The following DYNLL1 variants were observed in gnomAD, a reference collection of about 807,000 sequenced individuals.
The protein encoded by DYNLL1 is dynein light chain LC8-type 1.
DYNLL1 carries 3 observed loss-of-function variants against 10.1 expected under a neutral mutation model. The observed-to-expected ratio is 0.30, with a 90% CI of 0.14 to 0.77. The LOEUF is 0.77. DYNLL1 is among the 30% of genes least tolerant of loss of function. The pLI is 0.66. For synonymous variants in DYNLL1, 46 were observed against 41.2 expected, an observed-to-expected ratio of 1.12 and a Z score of -0.45; for missense variants, 47 against 111.7, an observed-to-expected ratio of 0.42 and a Z score of 2.61.
At chr12:120,488,609 A>C (rs1166866000) in intron 1 of DYNLL1, 2 of 152,214 alleles carry the variant, frequency 1.3e-5, no homozygotes, top group Non-Finnish European at 2.9e-5. Flanking sequence ...GGTGCTCAAC[A>C]AATGTCTGCT....
At position 120,498,056 on chromosome 12, in the gene DYNLL1, TC is replaced by T; in HGVS notation, c.133-16del. The T allele has an allele frequency of 1.2e-6, 2 of 1,612,246 alleles. No individual in the cohort carries two copies. The highest frequency in any genetic ancestry group is 1.7e-6 in the Non-Finnish European group (2 of 1,179,032). ...CTGGTAATTAAAATCCTAGTTCTTT[TC>T]TTTTGTCTTTTCCAGGAATTTGACA... On this transcript the variant is annotated splice_polypyrimidine_tract_variant and intron_variant, in intron 2 of 2. Transcript: ENST00000242577.
intron 2 of DYNLL1, 91 bp from the exon 3 acceptor site, chr12:120,497,982 C>T (rs1868512801): frequency 2.3e-6 from 3 of 1,325,010 alleles, no homozygotes; most frequent in Non-Finnish European, 3.1e-6. Flanking sequence ...GACGTTCCTC[C>T]TTTCTGCCCC....
intron 1 of DYNLL1, among the ~76,000 whole-genome samples, chr12:120,482,682 G>GA (rs1203104814): frequency 1.8e-3 from 272 of 147,630 alleles, no homozygotes; most frequent in African/African-American, 6.1e-3. Flanking sequence ...AAACAATTCT[G>GA]AAAAAAAAAA....
chr12:120,489,929 G>A (rs1432564484), intron 1 of DYNLL1, among the ~76,000 whole-genome samples: 2 of 152,154 alleles, frequency 1.3e-5, no homozygotes, highest in Non-Finnish European at 2.9e-5. Context: ...TTGTATTTTA[G>A]TAGAGACGGG....
intron 1 of DYNLL1, among the ~76,000 whole-genome samples, chr12:120,486,500 G>A (rs1040625571): frequency 2.0e-5 from 3 of 151,986 alleles, no homozygotes; most frequent in African/African-American, 4.8e-5. Context: ...TCAGGGTCTC[G>A]CTCTGTTGCC....
chr12:120,474,092 T>C (rs1878705201), intron 1 of DYNLL1, among the ~76,000 whole-genome samples: 1 of 151,566 alleles, frequency 6.6e-6, no homozygotes, highest in Non-Finnish European at 1.5e-5. Context: ...GAGAAGGAGC[T>C]GAGGCACCAC....
At chr12:120,481,433 A>T (rs559046363) in intron 1 of DYNLL1, among the ~76,000 whole-genome samples, 1 of 152,282 alleles carries the variant, frequency 6.6e-6, no homozygotes, top group South Asian at 2.1e-4. Flanking sequence ...GGCCTACTAC[A>T]AATTCAGAGG....
Position 120,496,198 on chromosome 12 carries a change from G to T in DYNLL1, c.-25G>T, listed in dbSNP as rs1381714320. 9 of 658,732 alleles carry T rather than the reference G, an allele frequency of 1.4e-5. No individual in the cohort carries two copies. The highest frequency in any genetic ancestry group is 2.1e-5 in the Non-Finnish European group (8 of 387,484). The allele number at this position is 658,732 out of a possible 1,614,324, so 40.8% of individuals were successfully genotyped here. On this transcript the variant is annotated 5_prime_UTR_variant, in exon 1 of 3. Transcript: ENST00000242577. ...CTCCCCCAGGAGACCGTTGCAGTCG[G>T]CCAGCCCCCTTCTCCACGGTGAGAA... is the stretch of plus-strand genomic sequence containing the variant.
intron 1 of DYNLL1, among the ~76,000 whole-genome samples, chr12:120,470,875 T>A (rs1878633126): frequency 6.6e-6 from 1 of 151,736 alleles, no homozygotes; most frequent in Non-Finnish European, 1.5e-5. Context: ...GGAAACCCCG[T>A]TTCTACTAAA....
At chr12:120,474,204 G>T (rs536587503) in intron 1 of DYNLL1, among the ~76,000 whole-genome samples, 2 of 151,736 alleles carry the variant, frequency 1.3e-5, no homozygotes, top group East Asian at 1.9e-4. Context: ...GGAGGCTGAG[G>T]GGGGAGAATC....
intron 1 of DYNLL1, among the ~76,000 whole-genome samples, chr12:120,482,397 G>A (rs142529552): frequency 0.028 from 4,188 of 151,206 alleles, 140 homozygotes; most frequent in East Asian, 0.12. Context: ...ATCTCGGCTC[G>A]CTGCAAGCTC....
intron 1 of DYNLL1, among the ~76,000 whole-genome samples, chr12:120,481,749 T>C (rs1440766709): frequency 6.6e-6 from 1 of 152,202 alleles, no homozygotes; most frequent in Non-Finnish European, 1.5e-5. Context: ...CCCTGGAGGT[T>C]GGGGGAAGGA....
At chr12:120,480,323 A>C (rs73223295) in intron 1 of DYNLL1, among the ~76,000 whole-genome samples, 4,819 of 152,294 alleles carry the variant, frequency 0.032, 119 homozygotes, top group Non-Finnish European at 0.048. Flanking sequence ...GGATATGAAA[A>C]GATCTCCAAG....
chr12:120,480,792 C>T (rs1274772609), intron 1 of DYNLL1, among the ~76,000 whole-genome samples: 4 of 149,696 alleles, frequency 2.7e-5, no homozygotes, highest in South Asian at 2.1e-4. Context: ...GACGGAGTCT[C>T]GCTCTGTTGC....
At chr12:120,471,965 C>T (rs1427954215) in intron 1 of DYNLL1, among the ~76,000 whole-genome samples, 1 of 152,078 alleles carries the variant, frequency 6.6e-6, no homozygotes, top group Admixed American at 6.6e-5. Context: ...TAATAAATTA[C>T]ATGTGTATAT....
At chr12:120,482,984 C>T (rs1056784211) in intron 1 of DYNLL1, among the ~76,000 whole-genome samples, 6 of 151,634 alleles carry the variant, frequency 4.0e-5, no homozygotes, top group African/African-American at 7.3e-5. Context: ...GAGAGGCTGA[C>T]GCAGGAGGAT....
chr12:120,472,382 A>T (rs1319130598), intron 1 of DYNLL1, among the ~76,000 whole-genome samples: 1 of 152,230 alleles, frequency 6.6e-6, no homozygotes, highest in Non-Finnish European at 1.5e-5. Context: ...GATTATGTAA[A>T]GCATCTAGCT....
At chr12:120,493,393 C>T (rs993121279), upstream of DYNLL1, among the ~76,000 whole-genome samples, 4 of 151,614 alleles carry the variant, frequency 2.6e-5, no homozygotes, top group Admixed American at 6.6e-5. Flanking sequence ...AAAAATTAGC[C>T]GGGCATGGTG....
Position 120,498,112 on chromosome 12 carries a change from G to A in DYNLL1, c.172G>A (p.Val58Met). The part of the protein sequence containing the change: ...KKYNPTWHCI[V>M]GRNFGSYVTH... Reference sequence around the variant, plus strand: ...GTACAATCCCACCTGGCATTGCATCGTGGGGAGGAACTTCGGTAGTTATGT... The same window carrying A: ...GTACAATCCCACCTGGCATTGCATCATGGGGAGGAACTTCGGTAGTTATGT... The change falls in exon 3 of 3, where the codon GTG (valine) becomes ATG (methionine). Residue 58 changes from valine (V) to methionine (M), a missense_variant. Transcript: ENST00000242577. 6.2e-7 allele frequency: 1 copy of A among 1,614,120 alleles called. No homozygotes were observed. Among genetic ancestry groups the A allele is most frequent in the Non-Finnish European group, 8.5e-7 (1 of 1,180,008 alleles).
Sources: allele counts gnomAD v4.1 joint callset (sites outside exome capture counted in the v4.1 genomes callset), GRCh38; gene constraint gnomAD v4.1.1; transcripts MANE v1.5; gene names NCBI Gene and HGNC (gene_info 2026-07-23, HGNC 2026-07-21).